NEMF: variants seen among roughly 807,000 people sequenced by gnomAD.
The protein encoded by NEMF is ribosome quality control complex subunit NEMF.
In NEMF, 89 loss-of-function variants were observed where a neutral mutation model predicts 162.2. That is an observed-to-expected ratio of 0.55 (90% CI 0.46 to 0.65). The LOEUF is 0.65. NEMF is among the 30% of genes least tolerant of loss of function. NEMF has a pLI of 0.00. For synonymous variants in NEMF, 421 were observed against 404.5 expected (o/e 1.04, Z -0.49); for missense variants, 1,133 against 1,261.9 (o/e 0.90, Z 1.55).
Position 49,800,464 on chromosome 14 carries a change from A to G in NEMF, c.2328T>C (p.Asn776=). Residue 776 remains asparagine (N), a synonymous_variant, in exon 23 of 33, where the codon AAT becomes AAC. Coordinates refer to ENST00000298310, the MANE Select transcript of NEMF (RefSeq NM_004713.6). ...EMKDEGEETL[N]YPDTTIDLSH... ...ACAAGTCAATGGTAGTATCAGGATA[A>G]TTTAATGTCTCTTCCCCTTCATCCT... 1 of 1,613,776 alleles carries G rather than the reference A, an allele frequency of 6.2e-7. No homozygotes were observed. The highest frequency in any genetic ancestry group is 1.1e-5 in the South Asian group (1 of 91,068).
intron 28 of NEMF, among the ~76,000 whole-genome samples, chr14:49,787,847 A>C (rs1286286534): frequency 6.6e-6 from 1 of 152,234 alleles, no homozygotes; most frequent in African/African-American, 2.4e-5. Flanking sequence ...AGGAAAAAAA[A>C]GAAAATAGTA....
At chr14:49,844,084 G>GTT (rs1455239872) in intron 4 of NEMF, among the ~76,000 whole-genome samples, 27 of 150,842 alleles carry the variant, frequency 1.8e-4, no homozygotes, top group African/African-American at 6.1e-4. Flanking sequence ...GGGCAACAAA[G>GTT]TGAGACTCTG....
chr14:49,852,595 G>A, intron 1 of NEMF, 100 bp downstream of exon 1: 1 of 1,325,854 alleles, frequency 7.5e-7, no homozygotes, highest in East Asian at 2.4e-5. Flanking sequence ...GACGCACTAG[G>A]AAATAAGGAA....
chr14:49,814,721 G>A, intron 17 of NEMF, 33 bp downstream of exon 17: 2 of 1,200,670 alleles, frequency 1.7e-6, no homozygotes, highest in Non-Finnish European at 2.4e-6. Flanking sequence ...AAACATTCAA[G>A]AGAAAATTTT....
intron 19 of NEMF, 35 bp from the exon 20 acceptor site, chr14:49,803,329 A>T (rs761695058): frequency 1.1e-5 from 16 of 1,410,620 alleles, no homozygotes; most frequent in Middle Eastern, 4.2e-4. Flanking sequence ...ATTCTTATTT[A>T]AAAAAATACT....
At chr14:49,800,382 C>G in intron 23 of NEMF, 38 bp downstream of exon 23, 1 of 1,446,194 alleles carries the variant, frequency 6.9e-7, no homozygotes. Context: ...TCATTCTCAG[C>G]TTACACAATA....
intron 16 of NEMF, among the ~76,000 whole-genome samples, chr14:49,821,684 T>G (rs1207745759): frequency 5.7e-5 from 6 of 105,302 alleles, no homozygotes; most frequent in Admixed American, 1.9e-4. Context: ...GGGAGGGAGG[T>G]GGGGGGCTCA....
At chr14:49,849,442 T>C (rs1378590888) in intron 3 of NEMF, among the ~76,000 whole-genome samples, 1 of 152,244 alleles carries the variant, frequency 6.6e-6, no homozygotes, top group Non-Finnish European at 1.5e-5. Flanking sequence ...CAAATGTGAA[T>C]ACTGGAACAA....
chr14:49,795,094 G>A (rs181546917), intron 26 of NEMF, among the ~76,000 whole-genome samples: 47 of 152,082 alleles, frequency 3.1e-4, no homozygotes, highest in African/African-American at 1.1e-3. Flanking sequence ...AAGCACTTTG[G>A]GAGGGTGAGG....
chr14:49,840,927 T>C, intron 4 of NEMF, 61 bp from the exon 5 acceptor site: 1 of 1,479,720 alleles, frequency 6.8e-7, no homozygotes, highest in Admixed American at 1.8e-5. Context: ...CCAGGCACAG[T>C]GGCTCACACC....
At chr14:49,846,833 T>C (rs1269436892) in intron 3 of NEMF, among the ~76,000 whole-genome samples, 1 of 152,228 alleles carries the variant, frequency 6.6e-6, no homozygotes, top group East Asian at 1.9e-4. Context: ...TTTATACCAC[T>C]GCTAAATTCC....
chr14:49,821,844 A>G (rs1467877609), intron 16 of NEMF, among the ~76,000 whole-genome samples: 1 of 151,950 alleles, frequency 6.6e-6, no homozygotes, highest in Non-Finnish European at 1.5e-5. Flanking sequence ...CCATGATGAC[A>G]ATGGCGGTTT....
At chr14:49,832,486 C>T (rs1892694893) in intron 8 of NEMF, among the ~76,000 whole-genome samples, 1 of 152,034 alleles carries the variant, frequency 6.6e-6, no homozygotes, top group Admixed American at 6.6e-5. Context: ...TGTGTGCCAC[C>T]ATACCTGGCT....
intron 18 of NEMF, among the ~76,000 whole-genome samples, chr14:49,806,681 G>A (rs753779878): frequency 1.6e-4 from 24 of 151,980 alleles, no homozygotes; most frequent in Non-Finnish European, 2.2e-4. Flanking sequence ...AATGACCTAC[G>A]TAAATAAAAC....
chr14:49,845,250 G>A (rs1478211969), intron 4 of NEMF, among the ~76,000 whole-genome samples: 1 of 151,788 alleles, frequency 6.6e-6, no homozygotes, highest in Non-Finnish European at 1.5e-5. Context: ...CCGCCACCAC[G>A]CCCAGCTAAT....
At chr14:49,793,155 G>T (rs1225422436) in intron 26 of NEMF, among the ~76,000 whole-genome samples, 1 of 151,914 alleles carries the variant, frequency 6.6e-6, no homozygotes, top group Non-Finnish European at 1.5e-5. Context: ...AGATATACAC[G>T]ATTACTACTT....
intron 28 of NEMF, 57 bp downstream of exon 28, chr14:49,789,089 A>T (rs1389830096): frequency 2.2e-6 from 3 of 1,360,910 alleles, no homozygotes; most frequent in Non-Finnish European, 3.1e-6. Flanking sequence ...TGTCCTGGGA[A>T]CTCCAGGATG....
At chr14:49,842,707 G>A (rs1893275268) in intron 4 of NEMF, among the ~76,000 whole-genome samples, 1 of 152,184 alleles carries the variant, frequency 6.6e-6, no homozygotes, top group Non-Finnish European at 1.5e-5. Context: ...ATTACTAAGT[G>A]CTGAAAAACT....
At chr14:49,829,834 T>C (rs1892552431) in intron 11 of NEMF, among the ~76,000 whole-genome samples, 1 of 152,136 alleles carries the variant, frequency 6.6e-6, no homozygotes, top group South Asian at 2.1e-4. Context: ...CTCTCCAATG[T>C]CTGAGCTCAA....
Sources: gnomAD v4.1 joint callset for allele counts (sites outside exome capture counted in the v4.1 genomes callset) on GRCh38, gnomAD v4.1.1 for gene constraint, MANE v1.5 for transcripts, NCBI Gene and HGNC (gene_info 2026-07-23, HGNC 2026-07-21) for gene names.